MAP2K6: variants seen among roughly 807,000 people sequenced by gnomAD.
MAP2K6 encodes mitogen-activated protein kinase kinase 6.
Under a neutral mutation model 53.7 loss-of-function variants are expected in MAP2K6, and 16 were observed. That is an observed-to-expected ratio of 0.30 (90% CI 0.20 to 0.45). The LOEUF (loss-of-function observed/expected upper bound fraction) is 0.45. Ranked by LOEUF, MAP2K6 falls within the 20% of genes least tolerant of loss-of-function variation. MAP2K6 has a pLI of 1.00. For missense variants in MAP2K6, 204 were observed against 411.9 expected (o/e 0.50, Z 4.37); for synonymous variants, 132 against 143.1 (o/e 0.92, Z 0.55).
intron 1 of MAP2K6, among the ~76,000 whole-genome samples, chr17:69,462,660 C>G (rs1036455803): frequency 1.3e-5 from 2 of 152,172 alleles, no homozygotes; most frequent in African/African-American, 2.4e-5. Flanking sequence ...GCCTCTCCTG[C>G]ACTATTCTCC....
chr17:69,521,024 A>T, intron 6 of MAP2K6, 25 bp from the exon 7 acceptor site: 2 of 1,563,008 alleles, frequency 1.3e-6, no homozygotes, highest in Non-Finnish European at 8.8e-7. Context: ...GTGATAAATA[A>T]ATCTATCTTG....
In MAP2K6 at chr17:69,448,508, G is replaced by C. The variant is rs1267848990; in HGVS notation, c.16+33508G>C. Among the ~76,000 whole-genome samples the C allele has an allele frequency of 7.2e-5, 11 of 152,120 alleles. No individual in the cohort carries two copies. In the East Asian group the frequency reaches 2.1e-3, roughly 29 times the overall value. ...TTCCCCCATGGCTGTCTTGCTGCTT[G>C]CTGCCGAGTCTGCCCATCACTGCCT... is the stretch of plus-strand genomic sequence containing the variant. On this transcript the variant is annotated intron_variant, in intron 1 of 11. Transcript: ENST00000590474.
At chr17:69,460,322 T>C (rs1038217317) in intron 1 of MAP2K6, among the ~76,000 whole-genome samples, 11 of 152,274 alleles carry the variant, frequency 7.2e-5, no homozygotes, top group African/African-American at 2.6e-4. Flanking sequence ...TTGAGCTGAA[T>C]GTCAAAAGTT....
At chr17:69,541,389 G>A (rs555212657) in intron 11 of MAP2K6, among the ~76,000 whole-genome samples, 3 of 152,100 alleles carry the variant, frequency 2.0e-5, no homozygotes, top group Non-Finnish European at 2.9e-5. Context: ...GTCAATCTTT[G>A]TATTTTGCTG....
At chr17:69,441,098 A>T (rs1204697391) in intron 1 of MAP2K6, among the ~76,000 whole-genome samples, 1 of 152,168 alleles carries the variant, frequency 6.6e-6, no homozygotes, top group Admixed American at 6.5e-5. Context: ...ATATGGCATT[A>T]TACTTTTATG....
intron 1 of MAP2K6, among the ~76,000 whole-genome samples, chr17:69,455,330 C>T (rs1269807148): frequency 1.3e-5 from 2 of 152,056 alleles, no homozygotes; most frequent in Non-Finnish European, 2.9e-5. Context: ...TTAGCCATGC[C>T]CTGGTGAGGG....
intron 1 of MAP2K6, among the ~76,000 whole-genome samples, chr17:69,482,378 T>G (rs1431774694): frequency 6.6e-6 from 1 of 152,114 alleles, no homozygotes; most frequent in Non-Finnish European, 1.5e-5. Context: ...TTATAAAGGT[T>G]TACAGTAGAA....
At chr17:69,486,903 G>A (rs556384854) in intron 1 of MAP2K6, among the ~76,000 whole-genome samples, 1 of 152,164 alleles carries the variant, frequency 6.6e-6, no homozygotes, top group African/African-American at 2.4e-5. Flanking sequence ...TCAGCTAGTC[G>A]ATTGCCCAAA....
At chr17:69,431,054 A>C (rs1409928378) in intron 1 of MAP2K6, among the ~76,000 whole-genome samples, 1 of 152,194 alleles carries the variant, frequency 6.6e-6, no homozygotes, top group East Asian at 1.9e-4. Flanking sequence ...TTGAGTGCTT[A>C]CTGTGTGCGA....
Position 69,457,711 on chromosome 17 carries a change from T to C in MAP2K6, c.16+42711T>C, listed in dbSNP as rs1907461451. 9.9e-5 allele frequency among the ~76,000 whole-genome samples: 15 copies of C among 152,178 alleles called. 1 individual carries two copies. In the South Asian group the frequency reaches 3.1e-3, roughly 31 times the overall value. On this transcript the variant is annotated intron_variant, in intron 1 of 11. Transcript: ENST00000590474. ...TCTCAGCTATTCAGGAGGCTGAGGC[T>C]GGAGGATTGCTTGAGCCCAGGAGAT... is the stretch of plus-strand genomic sequence containing the variant.
chr17:69,506,444 CTG>C (rs1307046487), intron 2 of MAP2K6, among the ~76,000 whole-genome samples: 6 of 149,854 alleles, frequency 4.0e-5, no homozygotes, highest in African/African-American at 1.5e-4. Flanking sequence ...TTATCTGTCT[CTG>C]TGTGGTGGGA....
chr17:69,446,133 C>T (rs2365494), intron 1 of MAP2K6, among the ~76,000 whole-genome samples: 13,517 of 152,174 alleles, frequency 0.089, 1,030 homozygotes, highest in East Asian at 0.43. Context: ...GCTACCTTAG[C>T]GTTATATTTA....
At chr17:69,528,978 T>C (rs1327434306) in intron 10 of MAP2K6, among the ~76,000 whole-genome samples, 4 of 152,014 alleles carry the variant, frequency 2.6e-5, no homozygotes, top group African/African-American at 9.7e-5. Flanking sequence ...CTTCAAATTA[T>C]TCTCCCTATT....
At chr17:69,541,278 C>T (rs2144874310) in intron 11 of MAP2K6, among the ~76,000 whole-genome samples, 1 of 152,192 alleles carries the variant, frequency 6.6e-6, no homozygotes, top group Non-Finnish European at 1.5e-5. Flanking sequence ...GAAAAAAGTA[C>T]ATACACCTAT....
intron 1 of MAP2K6, chr17:69,502,062 T>G: frequency 1.6e-6 from 1 of 606,516 alleles, no homozygotes; most frequent in Non-Finnish European, 2.1e-6. Context: ...CAAAGAGGCA[T>G]TTATAGAAAA....
intron 10 of MAP2K6, among the ~76,000 whole-genome samples, chr17:69,534,234 T>C (rs886117611): frequency 2.0e-5 from 3 of 152,190 alleles, no homozygotes; most frequent in African/African-American, 7.2e-5. Flanking sequence ...AGCATCTAGG[T>C]ACCTACAAAA....
intron 1 of MAP2K6, among the ~76,000 whole-genome samples, chr17:69,447,751 A>G (rs1907022920): frequency 6.6e-6 from 1 of 152,256 alleles, no homozygotes; most frequent in African/African-American, 2.4e-5. Flanking sequence ...AGTTTGGGCC[A>G]TTGGGGCATT....
At chr17:69,471,988 T>C (rs1007785059) in intron 1 of MAP2K6, among the ~76,000 whole-genome samples, 1 of 152,232 alleles carries the variant, frequency 6.6e-6, no homozygotes, top group African/African-American at 2.4e-5. Flanking sequence ...CTGTTCTGAT[T>C]GGCCTTTAGA....
chr17:69,443,793 G>A (rs1263871463), intron 1 of MAP2K6, among the ~76,000 whole-genome samples: 1 of 152,090 alleles, frequency 6.6e-6, no homozygotes, highest in African/African-American at 2.4e-5. Flanking sequence ...GGGGAGAGGT[G>A]GAATTAAGAA....
Sources: gnomAD v4.1 joint callset for allele counts (sites outside exome capture counted in the v4.1 genomes callset) on GRCh38, gnomAD v4.1.1 for gene constraint, MANE v1.5 for transcripts, NCBI Gene and HGNC (gene_info 2026-07-23, HGNC 2026-07-21) for gene names.